Variants in PREX2 observed in about 807,000 individuals in gnomAD.
PREX2 encodes the protein phosphatidylinositol 3,4,5-trisphosphate-dependent Rac exchanger 2 protein.
Under a neutral mutation model 203.2 loss-of-function variants are expected in PREX2, and 107 were observed. The ratio of observed to expected loss-of-function variants is 0.53; its 90% CI spans 0.45 to 0.62. The LOEUF is 0.62. Ranked by LOEUF, PREX2 falls within the 20% of genes least tolerant of loss-of-function variation. The probability of loss-of-function intolerance (pLI) is 0.00; values close to 1 mark genes in which losing one functional copy is unlikely to be tolerated. For missense variants in PREX2, 1,777 were observed against 1,955.9 expected (o/e 0.91, Z 1.72); for synonymous variants, 672 against 663.6 (o/e 1.01, Z -0.19).
chr8:68,103,444 C>A, intron 23 of PREX2: 1 of 481,322 alleles, frequency 2.1e-6, no homozygotes. Context: ...GCATTAAAAA[C>A]CTGAAGTTGC....
rs1813187187 is a variant in PREX2 at position 68,232,532 on chromosome 8, A to G, written c.*1154A>G. ...TAAATCCATAATTTTCAAACAAAAC[A>G]CTCATGATTGTGATAATTATATGGG... On this transcript the variant is annotated 3_prime_UTR_variant, in exon 40 of 40. Coordinates refer to ENST00000288368, the MANE Select transcript of PREX2 (RefSeq NM_024870.4). 6.6e-6 allele frequency: 1 copy of G among 152,152 alleles called. No homozygotes were observed. Among genetic ancestry groups the G allele is most frequent in the Non-Finnish European group, 1.5e-5 (1 of 68,032 alleles). 9.4% of individuals were successfully genotyped at this position (152,152 alleles called of 1,614,324 possible). A position where few individuals can be genotyped will look rare whatever the true frequency, so the allele number is the denominator to read the frequency against.
At chr8:68,166,952 GT>G (rs1157639043) in intron 35 of PREX2, among the ~76,000 whole-genome samples, 1 of 152,054 alleles carries the variant, frequency 6.6e-6, no homozygotes. Flanking sequence ...AAAAATCAAA[GT>G]TAAAAATTTA....
intron 18 of PREX2, among the ~76,000 whole-genome samples, chr8:68,085,448 C>T (rs1809653283): frequency 6.6e-6 from 1 of 151,938 alleles, no homozygotes; most frequent in Non-Finnish European, 1.5e-5. Flanking sequence ...CTTACAATAG[C>T]TTCTTGGAAT....
intron 37 of PREX2, among the ~76,000 whole-genome samples, chr8:68,203,979 T>C (rs536412676): frequency 6.6e-6 from 1 of 152,278 alleles, no homozygotes; most frequent in African/African-American, 2.4e-5. Flanking sequence ...CGAATAAGAA[T>C]GTTAAGGAAC....
chr8:67,958,467 A>G (rs986218842), intron 1 of PREX2, among the ~76,000 whole-genome samples: 2 of 152,212 alleles, frequency 1.3e-5, no homozygotes, highest in Non-Finnish European at 2.9e-5. Flanking sequence ...TATAATACCA[A>G]TTACTTTAAT....
intron 1 of PREX2, among the ~76,000 whole-genome samples, chr8:67,960,013 T>C (rs1375243866): frequency 6.6e-6 from 1 of 151,600 alleles, no homozygotes; most frequent in Non-Finnish European, 1.5e-5. Context: ...AGGTAGGAAG[T>C]GTTTCTTCCT....
chr8:68,210,733 G>A (rs1004210542), intron 37 of PREX2, among the ~76,000 whole-genome samples: 4 of 152,140 alleles, frequency 2.6e-5, no homozygotes. Flanking sequence ...AAATATAGAA[G>A]TGATTTTAGA....
intron 4 of PREX2, among the ~76,000 whole-genome samples, chr8:68,025,434 TTTTCTC>T: frequency 6.6e-6 from 1 of 152,040 alleles, no homozygotes; most frequent in East Asian, 1.9e-4. Flanking sequence ...GCTTTCTAGA[TTTTCTC>T]TTTGTGTTTT....
chr8:67,972,554 T>C (rs1044074275), intron 1 of PREX2, among the ~76,000 whole-genome samples: 1 of 152,218 alleles, frequency 6.6e-6, no homozygotes, highest in Non-Finnish European at 1.5e-5. Flanking sequence ...CCCGTGACTA[T>C]CTTTTAACCA....
intron 1 of PREX2, among the ~76,000 whole-genome samples, chr8:67,974,894 T>C (rs1035450016): frequency 6.6e-6 from 1 of 152,192 alleles, no homozygotes; most frequent in African/African-American, 2.4e-5. Flanking sequence ...TAAGACCATG[T>C]AGGAAAATGG....
In PREX2 at chr8:68,208,403, C is replaced by A. The variant is rs148905706; in HGVS notation, c.4605-9213C>A. Reference sequence around the variant, plus strand: ...AGCAATAATTTTAATCCTGACCACACCCACTCTGGCAAGGTTTTAAAAAAT... The same window carrying A: ...AGCAATAATTTTAATCCTGACCACAACCACTCTGGCAAGGTTTTAAAAAAT... On this transcript the variant is annotated intron_variant, in intron 37 of 39. Transcript: ENST00000288368. Among the ~76,000 whole-genome samples, 261 of 152,076 alleles carry A rather than the reference C, an allele frequency of 1.7e-3. 2 individuals are homozygous for A. The East Asian group carries it at 0.024, about 14-fold the overall frequency.
At chr8:68,198,498 C>A (rs1405277170) in intron 37 of PREX2, among the ~76,000 whole-genome samples, 2 of 152,178 alleles carry the variant, frequency 1.3e-5, no homozygotes, top group African/African-American at 4.8e-5. Context: ...TTTCTTATTG[C>A]AGCATCCTTC....
At chr8:68,133,345 C>T (rs1238363982) in intron 31 of PREX2, among the ~76,000 whole-genome samples, 6 of 152,068 alleles carry the variant, frequency 3.9e-5, no homozygotes, top group Non-Finnish European at 8.8e-5. Context: ...TAAAGCCTAA[C>T]CATATCAGTG....
chr8:67,960,766 G>A (rs1194794847), intron 1 of PREX2, among the ~76,000 whole-genome samples: 2 of 152,038 alleles, frequency 1.3e-5, no homozygotes, highest in African/African-American at 2.4e-5. Flanking sequence ...GTTGCTGAGA[G>A]GGCAGTGCCC....
intron 6 of PREX2, among the ~76,000 whole-genome samples, chr8:68,030,877 G>C (rs553556219): frequency 6.6e-6 from 1 of 152,098 alleles, no homozygotes; most frequent in African/African-American, 2.4e-5. Flanking sequence ...GTTTGTGATG[G>C]AGCCAATAGA....
At chr8:68,050,582 G>T (rs908269954) in intron 8 of PREX2, among the ~76,000 whole-genome samples, 2 of 152,174 alleles carry the variant, frequency 1.3e-5, no homozygotes, top group Non-Finnish European at 2.9e-5. Context: ...TGAGATTTGT[G>T]CAGGAACACA....
intron 31 of PREX2, among the ~76,000 whole-genome samples, chr8:68,133,773 T>C (rs535202332): frequency 6.6e-6 from 1 of 152,288 alleles, no homozygotes; most frequent in African/African-American, 2.4e-5. Context: ...AAGCCTTATT[T>C]TTCTCCCTCA....
intron 32 of PREX2, among the ~76,000 whole-genome samples, chr8:68,134,749 A>G (rs571019496): frequency 6.6e-6 from 1 of 152,344 alleles, no homozygotes; most frequent in African/African-American, 2.4e-5. Flanking sequence ...AAATAATTTT[A>G]GTTCTTTTCT....
chr8:67,962,752 A>G (rs1177287031), intron 1 of PREX2, among the ~76,000 whole-genome samples: 2 of 151,600 alleles, frequency 1.3e-5, no homozygotes, highest in Non-Finnish European at 1.5e-5. Context: ...GATTACAGGC[A>G]CCTGCCACCA....
Sources: gnomAD v4.1 joint callset for allele counts (sites outside exome capture counted in the v4.1 genomes callset) on GRCh38, gnomAD v4.1.1 for gene constraint, MANE v1.5 for transcripts, NCBI Gene and HGNC (gene_info 2026-07-23, HGNC 2026-07-21) for gene names.